DSCAM: variants seen among roughly 807,000 people sequenced by gnomAD.
DSCAM encodes the protein DS cell adhesion molecule.
DSCAM carries 47 observed loss-of-function variants against 217.7 expected under a neutral mutation model. The ratio of observed to expected loss-of-function variants is 0.22; its 90% CI spans 0.17 to 0.28. The LOEUF is 0.28. DSCAM is among the 10% of genes least tolerant of loss of function. The pLI is 1.00. For missense variants in DSCAM, 2,080 were observed against 2,618.3 expected (o/e 0.79, Z 4.49); for synonymous variants, 1,056 against 1,015.3 (o/e 1.04, Z -0.76).
intron 3 of DSCAM, among the ~76,000 whole-genome samples, chr21:40,620,189 G>T (rs375533932): frequency 1.7e-5 from 1 of 60,406 alleles, no homozygotes; most frequent in African/African-American, 7.0e-5. Flanking sequence ...AGAGAAAAAA[G>T]AAAAAGAAAG....
intron 3 of DSCAM, among the ~76,000 whole-genome samples, chr21:40,652,750 C>A (rs1490356131): frequency 6.6e-6 from 1 of 152,218 alleles, no homozygotes; most frequent in African/African-American, 2.4e-5. Flanking sequence ...GTTGCAATTT[C>A]CAGCCTGATA....
intron 3 of DSCAM, among the ~76,000 whole-genome samples, chr21:40,498,735 GTATATATATA>G (rs1247580828): frequency 2.4e-4 from 4 of 16,844 alleles, no homozygotes; most frequent in Non-Finnish European, 3.1e-4. Flanking sequence ...ATGGGTGTGT[GTATATATATA>G]TATATATATA....
chr21:40,775,637 C>T (rs1297929527), intron 1 of DSCAM, among the ~76,000 whole-genome samples: 1 of 152,180 alleles, frequency 6.6e-6, no homozygotes, highest in African/African-American at 2.4e-5. Flanking sequence ...GACATCAGAA[C>T]TCTAGGTTCG....
At chr21:40,418,834 T>C (rs1457102413) in intron 3 of DSCAM, among the ~76,000 whole-genome samples, 2 of 151,874 alleles carry the variant, frequency 1.3e-5, no homozygotes, top group African/African-American at 4.8e-5. Context: ...AAACTATAAA[T>C]GTTTCACAAA....
chr21:40,351,574 A>G (rs1178096925), intron 5 of DSCAM, among the ~76,000 whole-genome samples: 1 of 152,198 alleles, frequency 6.6e-6, no homozygotes, highest in African/African-American at 2.4e-5. Flanking sequence ...ACAAGAAGAC[A>G]GTTCTGAATT....
At chr21:40,336,207 A>G (rs1334117720) in intron 8 of DSCAM, among the ~76,000 whole-genome samples, 3 of 152,090 alleles carry the variant, frequency 2.0e-5, no homozygotes, top group African/African-American at 7.2e-5. Context: ...GCTTTTCTTC[A>G]TGGAATTCCA....
intron 1 of DSCAM, among the ~76,000 whole-genome samples, chr21:40,819,918 G>A (rs2091912017): frequency 6.6e-6 from 1 of 152,108 alleles, no homozygotes; most frequent in Admixed American, 6.5e-5. Context: ...TAGGGCTCTA[G>A]GGCCTTAATT....
chr21:40,487,973 C>A (rs947199304), intron 3 of DSCAM, among the ~76,000 whole-genome samples: 1 of 152,200 alleles, frequency 6.6e-6, no homozygotes, highest in Non-Finnish European at 1.5e-5. Flanking sequence ...AACTAAGGCA[C>A]ATTCAAATCC....
chr21:40,563,872 A>G (rs1372314656), intron 3 of DSCAM, among the ~76,000 whole-genome samples: 1 of 151,278 alleles, frequency 6.6e-6, no homozygotes, highest in Admixed American at 6.6e-5. Context: ...GTTTATATAT[A>G]GTTATATGTT....
chr21:40,054,811 G>C (rs1232644234), intron 29 of DSCAM, among the ~76,000 whole-genome samples: 1 of 152,144 alleles, frequency 6.6e-6, no homozygotes, highest in Non-Finnish European at 1.5e-5. Flanking sequence ...TGGGGAACCT[G>C]GTTCTGCGCC....
At chr21:40,756,939 C>T (rs777585463) in intron 1 of DSCAM, among the ~76,000 whole-genome samples, 4 of 151,582 alleles carry the variant, frequency 2.6e-5, no homozygotes, top group Non-Finnish European at 4.4e-5. Flanking sequence ...GGAATATTTA[C>T]AATTCAGCCT....
intron 1 of DSCAM, among the ~76,000 whole-genome samples, chr21:40,832,510 C>T (rs530340415): frequency 3.5e-4 from 54 of 152,256 alleles, no homozygotes; most frequent in African/African-American, 1.2e-3. Context: ...ATTACTCTCT[C>T]TATGAGTAAT....
intron 3 of DSCAM, among the ~76,000 whole-genome samples, chr21:40,470,283 G>A (rs779981120): frequency 5.9e-5 from 9 of 152,214 alleles, no homozygotes; most frequent in African/African-American, 1.7e-4. Flanking sequence ...TTAATGTTAC[G>A]TGTCTGCCTT....
intron 3 of DSCAM, among the ~76,000 whole-genome samples, chr21:40,570,571 GA>G (rs1282191825): frequency 9.9e-5 from 15 of 152,200 alleles, no homozygotes; most frequent in Non-Finnish European, 2.2e-4. Flanking sequence ...AACAAATATG[GA>G]AATGGCCCAG....
intron 16 of DSCAM, among the ~76,000 whole-genome samples, chr21:40,165,400 C>T (rs956252316): frequency 2.6e-5 from 4 of 152,174 alleles, no homozygotes; most frequent in Admixed American, 6.5e-5. Context: ...GTTAGATCAC[C>T]GGCAAGTCTG....
intron 32 of DSCAM, among the ~76,000 whole-genome samples, chr21:40,032,352 C>T (rs1210584467): frequency 2.0e-5 from 3 of 152,064 alleles, no homozygotes; most frequent in Admixed American, 6.6e-5. Flanking sequence ...AATCATAAGC[C>T]TCAACAAAGT....
At chr21:40,733,121 T>A (rs756473540) in intron 1 of DSCAM, among the ~76,000 whole-genome samples, 2 of 152,210 alleles carry the variant, frequency 1.3e-5, no homozygotes, top group Non-Finnish European at 2.9e-5. Context: ...GGTGCAGACA[T>A]GCATGCAGGT....
chr21:40,020,099 A>T (rs1330166799), intron 32 of DSCAM, among the ~76,000 whole-genome samples: 2 of 152,172 alleles, frequency 1.3e-5, no homozygotes, highest in Non-Finnish European at 2.9e-5. Context: ...AGTGGGAAGT[A>T]ATTGAATCAT....
At chr21:40,397,016 C>A (rs888359447) in intron 3 of DSCAM, among the ~76,000 whole-genome samples, 1 of 152,160 alleles carries the variant, frequency 6.6e-6, no homozygotes, top group Admixed American at 6.5e-5. Context: ...TATTGACAAA[C>A]TCCTTTTCCT....
Sources: gnomAD v4.1 joint callset for allele counts (sites outside exome capture counted in the v4.1 genomes callset) on GRCh38, gnomAD v4.1.1 for gene constraint, MANE v1.5 for transcripts, NCBI Gene and HGNC (gene_info 2026-07-23, HGNC 2026-07-21) for gene names.